The following MRPL45 variants were observed in gnomAD, a reference collection of about 807,000 sequenced individuals.
The protein encoded by MRPL45 is mitochondrial ribosomal protein L45.
MRPL45 carries 20 observed loss-of-function variants against 38.1 expected under a neutral mutation model. The observed-to-expected ratio is 0.53, with a 90% CI of 0.37 to 0.76. The LOEUF is 0.76. Among genes scored for constraint, MRPL45 ranks in the 30% least tolerant of loss-of-function variants. The pLI, the probability that MRPL45 is intolerant of heterozygous loss-of-function variation, is 0.00. For missense variants in MRPL45, 337 were observed against 395.6 expected (o/e 0.85, Z 1.26); for synonymous variants, 105 against 128.8 (o/e 0.82, Z 1.25).
At chr17:38,304,941 G>A (rs2037036451) in intron 3 of MRPL45, among the ~76,000 whole-genome samples, 1 of 151,568 alleles carries the variant, frequency 6.6e-6, no homozygotes, top group African/African-American at 2.4e-5. Context: ...CTGCCTCCTG[G>A]GTTCAAGTGA....
At chr17:38,322,369 TC>T in intron 7 of MRPL45, 70 bp downstream of exon 7, 3 of 1,273,362 alleles carry the variant, frequency 2.4e-6, no homozygotes, top group Non-Finnish European at 3.1e-6. Context: ...TCTGTCGGGC[TC>T]CACCTAGTGG....
rs560596389 is a variant in MRPL45 at position 38,320,547 on chromosome 17, G to A, written c.511-71G>A. On this transcript the variant is annotated intron_variant, in intron 5 of 7. Transcript: ENST00000613675. The stretch of plus-strand genomic sequence containing the variant: ...GGCTGTAGTCTTGCAGGAAGTGAGA[G>A]CAGTGTGGCAGCACCAGCTTCCTTA... 2.0e-6 allele frequency: 3 copies of A among 1,516,828 alleles called. No individual in the cohort carries two copies. In the South Asian group the frequency reaches 3.5e-5, roughly 18 times the overall value. The allele number at this position is 1,516,828 out of a possible 1,614,324, so 94.0% of individuals were successfully genotyped here.
chr17:38,310,888 T>G (rs2037105650), intron 4 of MRPL45, among the ~76,000 whole-genome samples: 1 of 152,164 alleles, frequency 6.6e-6, no homozygotes, highest in Admixed American at 6.6e-5. Flanking sequence ...AAAGTGTTGG[T>G]ACAGTTTTCT....
intron 5 of MRPL45, among the ~76,000 whole-genome samples, chr17:38,320,141 A>G (rs931733593): frequency 2.4e-4 from 36 of 152,178 alleles, no homozygotes; most frequent in Non-Finnish European, 4.4e-4. Context: ...TTGGGTTTCT[A>G]TCAGTAGAAC....
At chr17:38,299,908 G>A (rs2036975368) in intron 3 of MRPL45, among the ~76,000 whole-genome samples, 1 of 151,320 alleles carries the variant, frequency 6.6e-6, no homozygotes, top group Non-Finnish European at 1.5e-5. Context: ...GGCTAATTTT[G>A]TATTTTTAGT....
At chr17:38,304,285 CAGTG>C (rs1314967824) in intron 3 of MRPL45, among the ~76,000 whole-genome samples, 3 of 152,130 alleles carry the variant, frequency 2.0e-5, no homozygotes, top group African/African-American at 7.2e-5. Flanking sequence ...CTGGGCAACA[CAGTG>C]AGACCTTGTC....
intron 3 of MRPL45, among the ~76,000 whole-genome samples, chr17:38,305,291 A>C: frequency 7.6e-6 from 1 of 131,564 alleles, no homozygotes; most frequent in African/African-American, 2.6e-5. Context: ...GCATGGTGAA[A>C]CCCCATCTCT....
rs781227879 is a variant in MRPL45, at chr17:38,299,369, A to G, written c.263A>G (p.Tyr88Cys). The G allele has an allele frequency of 1.6e-5, 26 of 1,603,430 alleles. No homozygotes were observed. The highest frequency in any genetic ancestry group is 7.1e-5 in the Admixed American group (4 of 56,192). Residue 88 changes from tyrosine to cysteine, a missense_variant, in exon 3 of 8, where the codon TAT becomes TGT. Transcript: ENST00000613675. ...LACTAGIFDAYVPPEGDARIS... is the reference protein window; with the variant it reads ...LACTAGIFDACVPPEGDARIS... ...ATTACAGCTGGTATATTTGATGCCT[A>G]TGTTCCTCCTGAGGGTGATGCACGC...
At chr17:38,306,417 A>AG in intron 3 of MRPL45, 116 bp from the exon 4 acceptor site, 3 of 1,367,004 alleles carry the variant, frequency 2.2e-6, no homozygotes, top group Non-Finnish European at 3.0e-6. Flanking sequence ...AAAGAAAAAA[A>AG]AAAAAAAGCT....
chr17:38,316,152 C>G (rs981535485), intron 4 of MRPL45, among the ~76,000 whole-genome samples: 1 of 152,048 alleles, frequency 6.6e-6, no homozygotes, highest in African/African-American at 2.4e-5. Context: ...ATTTGGTATA[C>G]TTGATGATGT....
intron 2 of MRPL45, among the ~76,000 whole-genome samples, 165 bp downstream of exon 2, chr17:38,298,791 AACTT>A (rs1393465761): frequency 1.3e-5 from 2 of 152,090 alleles, no homozygotes; most frequent in Non-Finnish European, 2.9e-5. Context: ...TTGTTCTTTG[AACTT>A]ACTTTCACAC....
chr17:38,316,737 CAAAAAAAAAAAAAAA>C (rs61383463), intron 4 of MRPL45, among the ~76,000 whole-genome samples: 4 of 61,238 alleles, frequency 6.5e-5, no homozygotes, highest in Non-Finnish European at 1.2e-4. Flanking sequence ...TGGTGCAATC[CAAAAAAAAAAAAAAA>C]AAAAAAAAAA....
At chr17:38,318,122 C>A (rs989346900) in intron 4 of MRPL45, among the ~76,000 whole-genome samples, 2 of 150,596 alleles carry the variant, frequency 1.3e-5, no homozygotes, top group African/African-American at 4.9e-5. Context: ...GCAGGAGAAC[C>A]GCTTGAACCT....
At chr17:38,315,324 A>T (rs2144231106) in intron 4 of MRPL45, among the ~76,000 whole-genome samples, 1 of 152,246 alleles carries the variant, frequency 6.6e-6, no homozygotes, top group South Asian at 2.1e-4. Flanking sequence ...GTGCAATGAT[A>T]GCTGCACTGC....
intron 3 of MRPL45, among the ~76,000 whole-genome samples, chr17:38,305,138 C>T (rs1487088733): frequency 2.0e-5 from 3 of 149,504 alleles, no homozygotes; most frequent in East Asian, 2.1e-4. Context: ...AGCCACTGCA[C>T]CCGGCCTGTC....
chr17:38,303,663 C>A (rs569561058), intron 3 of MRPL45, among the ~76,000 whole-genome samples: 1 of 151,892 alleles, frequency 6.6e-6, no homozygotes, highest in South Asian at 2.1e-4. Flanking sequence ...CTGTTTTAAT[C>A]TGGACTAGTT....
At chr17:38,317,061 G>A (rs754168812) in intron 4 of MRPL45, among the ~76,000 whole-genome samples, 7 of 152,140 alleles carry the variant, frequency 4.6e-5, no homozygotes, top group African/African-American at 7.2e-5. Context: ...CTCCCAAAGT[G>A]CTGGGATTAC....
At chr17:38,317,733 G>A (rs576208586) in intron 4 of MRPL45, among the ~76,000 whole-genome samples, 10 of 151,772 alleles carry the variant, frequency 6.6e-5, no homozygotes, top group Non-Finnish European at 1.2e-4. Flanking sequence ...TACTACTCTC[G>A]GCTAATTTTT....
intron 4 of MRPL45, among the ~76,000 whole-genome samples, chr17:38,312,729 A>G (rs1284591391): frequency 6.6e-6 from 1 of 151,748 alleles, no homozygotes; most frequent in African/African-American, 2.4e-5. Context: ...CTGTAGTCCC[A>G]GCTATTTGAG....
Sources: allele counts gnomAD v4.1 joint callset (sites outside exome capture counted in the v4.1 genomes callset), GRCh38; gene constraint gnomAD v4.1.1; transcripts MANE v1.5; gene names NCBI Gene and HGNC (gene_info 2026-07-23, HGNC 2026-07-21).